PIP5K1B: variants seen among roughly 807,000 people sequenced by gnomAD.
PIP5K1B encodes phosphatidylinositol 4-phosphate 5-kinase type-1 beta.
A neutral mutation model predicts 67.0 loss-of-function variants in PIP5K1B; 42 were observed. The ratio of observed to expected loss-of-function variants is 0.63; its 90% CI spans 0.49 to 0.81. The LOEUF is 0.81. PIP5K1B is among the 30% of genes least tolerant of loss of function. The pLI is 0.00. For missense variants in PIP5K1B, 459 were observed against 646.3 expected (o/e 0.71, Z 3.14); for synonymous variants, 214 against 231.4 (o/e 0.92, Z 0.68).
At chr9:68,905,461 G>T (rs150253231) in intron 8 of PIP5K1B, among the ~76,000 whole-genome samples, 141 of 152,278 alleles carry the variant, frequency 9.3e-4, no homozygotes, top group African/African-American at 3.3e-3. Flanking sequence ...GCAAACCCTG[G>T]TGATTTACAA....
intron 2 of PIP5K1B, among the ~76,000 whole-genome samples, chr9:68,809,115 T>C (rs1833024359): frequency 6.6e-6 from 1 of 152,226 alleles, no homozygotes; most frequent in South Asian, 2.1e-4. Context: ...TAAAAAACTC[T>C]AAGCCTATAG....
chr9:68,965,973 C>CAAA (rs1198036806), intron 14 of PIP5K1B, among the ~76,000 whole-genome samples: 2 of 67,102 alleles, frequency 3.0e-5, no homozygotes, highest in African/African-American at 5.0e-5. Context: ...GACTCCATCT[C>CAAA]AAAAAAAAAA....
At chr9:68,988,764 T>A (rs1830219539) in intron 14 of PIP5K1B, among the ~76,000 whole-genome samples, 1 of 152,044 alleles carries the variant, frequency 6.6e-6, no homozygotes. Context: ...TTATGACTTT[T>A]GTAATCAGGA....
At chr9:68,999,849 G>A (rs1830741336) in intron 15 of PIP5K1B, among the ~76,000 whole-genome samples, 1 of 152,350 alleles carries the variant, frequency 6.6e-6, no homozygotes, top group Admixed American at 6.5e-5. Context: ...AAGGAGTGAT[G>A]GAGCCCCTAG....
intron 4 of PIP5K1B, among the ~76,000 whole-genome samples, chr9:68,854,432 G>A (rs920953819): frequency 6.6e-6 from 1 of 152,062 alleles, no homozygotes; most frequent in Non-Finnish European, 1.5e-5. Flanking sequence ...ACCTGGACAG[G>A]ACCTTTTATT....
intron 14 of PIP5K1B, among the ~76,000 whole-genome samples, chr9:68,945,174 C>G (rs367616124): frequency 4.0e-5 from 6 of 151,262 alleles, no homozygotes; most frequent in African/African-American, 1.5e-4. Context: ...TTGAGAGAGT[C>G]TCGCGCTGTG....
chr9:68,795,177 G>T (rs1007968114), intron 2 of PIP5K1B, among the ~76,000 whole-genome samples: 1 of 152,110 alleles, frequency 6.6e-6, no homozygotes, highest in South Asian at 2.1e-4. Flanking sequence ...GCGTGTGTGT[G>T]TGTGTGTTTT....
At chr9:68,815,444 T>A (rs7869452) in intron 2 of PIP5K1B, among the ~76,000 whole-genome samples, 119,500 of 151,914 alleles carry the variant, frequency 0.79, 47,063 homozygotes, top group Admixed American at 0.85. Flanking sequence ...AGAATGTACA[T>A]ATACACATGC....
chr9:68,905,251 A>G (rs1304729584), intron 8 of PIP5K1B, among the ~76,000 whole-genome samples: 4 of 152,122 alleles, frequency 2.6e-5, no homozygotes, highest in Non-Finnish European at 5.9e-5. Flanking sequence ...GAGTGCAGAG[A>G]GGAAAGCTAT....
chr9:68,999,677 G>A (rs1297238969), intron 15 of PIP5K1B, among the ~76,000 whole-genome samples: 2 of 152,146 alleles, frequency 1.3e-5, no homozygotes, highest in African/African-American at 4.8e-5. Flanking sequence ...AGGGGGAACC[G>A]TGTGACTCCC....
At chr9:68,749,923 A>C (rs1829536781) in intron 2 of PIP5K1B, among the ~76,000 whole-genome samples, 1 of 152,232 alleles carries the variant, frequency 6.6e-6, no homozygotes, top group South Asian at 2.1e-4. Context: ...GTACAGCTTA[A>C]TCCCAGCTCC....
chr9:68,854,127 C>CTTTT (rs36079285), intron 4 of PIP5K1B, among the ~76,000 whole-genome samples: 5 of 106,992 alleles, frequency 4.7e-5, no homozygotes, highest in African/African-American at 7.0e-5. Flanking sequence ...AAACAGAAAA[C>CTTTT]TTTTTTTTTT....
intron 8 of PIP5K1B, among the ~76,000 whole-genome samples, chr9:68,903,677 G>C (rs1051574590): frequency 6.6e-6 from 1 of 152,214 alleles, no homozygotes; most frequent in African/African-American, 2.4e-5. Context: ...ATCCATGCAA[G>C]ATAGTGTCAG....
chr9:68,890,964 A>C (rs1824751242), intron 7 of PIP5K1B, among the ~76,000 whole-genome samples: 1 of 152,148 alleles, frequency 6.6e-6, no homozygotes, highest in Non-Finnish European at 1.5e-5. Context: ...TAAAAAGTTA[A>C]GGGCCAGGAA....
intron 8 of PIP5K1B, among the ~76,000 whole-genome samples, chr9:68,915,312 T>C (rs998952434): frequency 5.9e-5 from 9 of 151,888 alleles, no homozygotes; most frequent in African/African-American, 2.2e-4. Context: ...TTGTGAAGAG[T>C]TGTTGAAGCT....
At chr9:68,836,561 T>A (rs1264921674) in intron 4 of PIP5K1B, among the ~76,000 whole-genome samples, 2 of 152,244 alleles carry the variant, frequency 1.3e-5, no homozygotes, top group African/African-American at 4.8e-5. Context: ...TTTATCTCTA[T>A]GCTTTTTATT....
At chr9:68,897,095 C>T (rs1435345365) in intron 8 of PIP5K1B, among the ~76,000 whole-genome samples, 1 of 152,166 alleles carries the variant, frequency 6.6e-6, no homozygotes, top group Non-Finnish European at 1.5e-5. Flanking sequence ...TCAGTGCTGG[C>T]TGAGGGGCTG....
At chr9:68,991,977 T>TGGG (rs368730023) in intron 15 of PIP5K1B, among the ~76,000 whole-genome samples, 5 of 150,210 alleles carry the variant, frequency 3.3e-5, no homozygotes, top group Non-Finnish European at 7.4e-5. Context: ...AAATTTTTTT[T>TGGG]GGGGGGGGGC....
Position 68,822,603 on chromosome 9 carries a change from T to C in PIP5K1B, c.1-12T>C, listed in dbSNP as rs758117908. On this transcript the variant is annotated splice_polypyrimidine_tract_variant and intron_variant, in intron 3 of 15. Transcript: ENST00000265382. ...ACATTGAAGTTCAAAGGGCAGTGTG[T>C]TTCTCTTGTAGATGTCTTCTGCTGC... The C allele has an allele frequency of 5.6e-6, 9 of 1,602,862 alleles. No homozygotes were observed. The highest frequency in any genetic ancestry group is 3.4e-6 in the Non-Finnish European group (4 of 1,171,132).
Sources: gnomAD v4.1 joint callset for allele counts (sites outside exome capture counted in the v4.1 genomes callset) on GRCh38, gnomAD v4.1.1 for gene constraint, MANE v1.5 for transcripts, NCBI Gene and HGNC (gene_info 2026-07-23, HGNC 2026-07-21) for gene names.